The following IKZF2 variants were observed in gnomAD, a reference collection of about 807,000 sequenced individuals.
The protein encoded by IKZF2 is zinc finger protein Helios.
A neutral mutation model predicts 49.2 loss-of-function variants in IKZF2; 15 were observed. The observed-to-expected ratio is 0.30, with a 90% CI of 0.20 to 0.47. The LOEUF is 0.47. Ranked by LOEUF, IKZF2 falls within the 20% of genes least tolerant of loss-of-function variation. The probability of loss-of-function intolerance (pLI) is 1.00; values close to 1 mark genes in which losing one functional copy is unlikely to be tolerated. For missense variants in IKZF2, 567 were observed against 664.6 expected, an observed-to-expected ratio of 0.85 and a Z score of 1.61; for synonymous variants, 227 against 221.4, an observed-to-expected ratio of 1.03 and a Z score of -0.23.
At chr2:213,033,617 G>A (rs1263336493) in intron 6 of IKZF2, among the ~76,000 whole-genome samples, 1 of 152,144 alleles carries the variant, frequency 6.6e-6, no homozygotes, top group South Asian at 2.1e-4. Context: ...TCAATGAACT[G>A]TAATATTTTG....
At chr2:213,116,993 G>C (rs1442883256) in intron 4 of IKZF2, among the ~76,000 whole-genome samples, 1 of 152,078 alleles carries the variant, frequency 6.6e-6, no homozygotes, top group Non-Finnish European at 1.5e-5. Flanking sequence ...TCTAACTGTT[G>C]TACCTCGTAA....
In IKZF2 at chr2:213,079,579, G is replaced by GAA. The variant is rs1021443385; in HGVS notation, c.140-22482_140-22481dup. Among the ~76,000 whole-genome samples the GAA allele has an allele frequency of 8.9e-4, 134 of 151,004 alleles. 2 individuals are homozygous for GAA. In the South Asian group the frequency reaches 0.027, roughly 31 times the overall value. On this transcript the variant is annotated intron_variant, in intron 4 of 8. Coordinates refer to ENST00000434687, the MANE Select transcript of IKZF2 (RefSeq NM_001387220.1). ...GGGGAGAGAGAGAGACAGAGAAAGA[G>GAA]AAAAGAAAAGATCTCCATCTATAAA...
chr2:213,135,708 G>T (rs188391754), intron 4 of IKZF2, among the ~76,000 whole-genome samples: 30 of 148,246 alleles, frequency 2.0e-4, no homozygotes, highest in Admixed American at 1.6e-3. Flanking sequence ...GAAAGAAAAA[G>T]GAAAAAAGGA....
chr2:213,114,259 G>C (rs758837955), intron 4 of IKZF2, among the ~76,000 whole-genome samples: 1 of 151,976 alleles, frequency 6.6e-6, no homozygotes, highest in Non-Finnish European at 1.5e-5. Context: ...AAGGTGCAAC[G>C]GGTTTTTTTT....
At chr2:213,094,675 C>G (rs1328561151) in intron 4 of IKZF2, among the ~76,000 whole-genome samples, 1 of 152,132 alleles carries the variant, frequency 6.6e-6, no homozygotes, top group Non-Finnish European at 1.5e-5. Context: ...GGAAAAGTCT[C>G]TTTCTCAAAC....
chr2:213,120,240 GCAATA>G (rs1310702169), intron 4 of IKZF2, among the ~76,000 whole-genome samples: 4 of 152,158 alleles, frequency 2.6e-5, no homozygotes, highest in Non-Finnish European at 4.4e-5. Flanking sequence ...TAAAACAATA[GCAATA>G]CAATGTGGTG....
Position 213,135,213 on chromosome 2 carries a change from CTA to C in IKZF2, c.139+12493_139+12494del, listed in dbSNP as rs1255324543. 8.5e-5 allele frequency among the ~76,000 whole-genome samples: 13 copies of C among 152,242 alleles called. No homozygotes were observed. The East Asian group carries it at 2.1e-3, about 25-fold the overall frequency. On this transcript the variant is annotated intron_variant, in intron 4 of 8. Coordinates refer to ENST00000434687, the MANE Select transcript of IKZF2 (RefSeq NM_001387220.1). Reference sequence around the variant, plus strand: ...TTACATGCAAGATAGAATTGAAAATCTATGTTTTAACTCATTCTACTCAGATT... The same window carrying C: ...TTACATGCAAGATAGAATTGAAAATCTGTTTTAACTCATTCTACTCAGATT...
At chr2:213,089,016 G>A (rs1253067441) in intron 4 of IKZF2, among the ~76,000 whole-genome samples, 1 of 152,152 alleles carries the variant, frequency 6.6e-6, no homozygotes, top group African/African-American at 2.4e-5. Flanking sequence ...CTCTGCAGGA[G>A]CATCCTGGCT....
chr2:213,033,069 A>G (rs965858767), intron 6 of IKZF2, among the ~76,000 whole-genome samples: 8 of 142,536 alleles, frequency 5.6e-5, no homozygotes, highest in Non-Finnish European at 9.3e-5. Context: ...TGTCATTTCA[A>G]CAATATTCAC....
intron 7 of IKZF2, among the ~76,000 whole-genome samples, chr2:213,018,309 TA>T (rs1330136734): frequency 1.3e-5 from 2 of 152,136 alleles, no homozygotes; most frequent in African/African-American, 4.8e-5. Flanking sequence ...TTAAATAATT[TA>T]ATTATATAAA....
At chr2:213,056,352 C>T (rs1014317615) in intron 5 of IKZF2, among the ~76,000 whole-genome samples, 4 of 152,146 alleles carry the variant, frequency 2.6e-5, no homozygotes, top group African/African-American at 9.6e-5. Context: ...CTGCCTGCTA[C>T]TGAGACCTGT....
intron 4 of IKZF2, among the ~76,000 whole-genome samples, chr2:213,090,602 C>T (rs1173003061): frequency 1.3e-5 from 2 of 152,110 alleles, no homozygotes; most frequent in East Asian, 1.9e-4. Flanking sequence ...TTAAAAATTG[C>T]AGATGTAATG....
chr2:213,041,339 T>TA (rs1699621474), intron 6 of IKZF2, among the ~76,000 whole-genome samples: 1 of 132,962 alleles, frequency 7.5e-6, no homozygotes, highest in Non-Finnish European at 1.7e-5. Context: ...AATCTTTTTT[T>TA]GGGGGGGGTG....
chr2:213,090,868 T>C (rs560532635), intron 4 of IKZF2, among the ~76,000 whole-genome samples: 55 of 152,286 alleles, frequency 3.6e-4, no homozygotes, highest in African/African-American at 1.3e-3. Context: ...TGCTTACACC[T>C]TAATCTCAGA....
Position 213,150,057 on chromosome 2 carries a change from G to T in IKZF2, c.-16+87C>A, listed in dbSNP as rs1257848270. On this transcript the variant is annotated intron_variant, in intron 2 of 8. Transcript: ENST00000434687. ...AAACGTCAGGGAGAAGCGAAAGAAG[G>T]CTGCCCCATCAATGAAATGGTTATT... The T allele has an allele frequency of 5.2e-5, 32 of 621,198 alleles. No individual in the cohort carries two copies. In the South Asian group the frequency reaches 5.4e-4, roughly 10 times the overall value. 38.5% of individuals were successfully genotyped at this position (621,198 alleles called of 1,614,324 possible).
intron 6 of IKZF2, among the ~76,000 whole-genome samples, chr2:213,033,844 G>T (rs71426327): frequency 0.076 from 11,479 of 151,202 alleles, 671 homozygotes; most frequent in South Asian, 0.28. Flanking sequence ...TACCAAGAGA[G>T]TCAGCCTGTC....
At chr2:213,134,343 C>T (rs911317152) in intron 4 of IKZF2, among the ~76,000 whole-genome samples, 1 of 152,184 alleles carries the variant, frequency 6.6e-6, no homozygotes, top group Non-Finnish European at 1.5e-5. Flanking sequence ...AATCTCCTTT[C>T]CCACTAAACT....
intron 4 of IKZF2, among the ~76,000 whole-genome samples, chr2:213,089,576 T>A (rs1041100397): frequency 6.6e-6 from 1 of 152,226 alleles, no homozygotes; most frequent in Non-Finnish European, 1.5e-5. Flanking sequence ...TTCCCAAGAA[T>A]GATTCTAACT....
rs896151040 is a variant in IKZF2, at chr2:213,000,753, A to C, written c.*6607T>G. 4 of 151,986 alleles carry C rather than the reference A, an allele frequency of 2.6e-5. No homozygotes were observed. Among genetic ancestry groups the C allele is most frequent in the African/African-American group, 9.7e-5 (4 of 41,410 alleles). The allele number at this position is 151,986 out of a possible 1,614,324, so 9.4% of individuals were successfully genotyped here. On this transcript the variant is annotated 3_prime_UTR_variant, in exon 9 of 9. Transcript: ENST00000434687. ...AGCTAAGTGCTTTGCTTTTATTTAA[A>C]AGTTTATTTCTAAAAGGGGAGAAGT... is the stretch of plus-strand genomic sequence containing the variant.
Sources: gnomAD v4.1 joint callset for allele counts (sites outside exome capture counted in the v4.1 genomes callset) on GRCh38, gnomAD v4.1.1 for gene constraint, MANE v1.5 for transcripts, NCBI Gene and HGNC (gene_info 2026-07-23, HGNC 2026-07-21) for gene names.